Variants in NRXN3 observed in about 807,000 individuals in gnomAD.
NRXN3 encodes neurexin III.
NRXN3 carries 32 observed loss-of-function variants against 137.6 expected under a neutral mutation model. The observed-to-expected ratio is 0.23, with a 90% CI of 0.18 to 0.31. NRXN3 has a LOEUF of 0.31. Ranked by LOEUF, NRXN3 falls within the 10% of genes least tolerant of loss-of-function variation. NRXN3 has a pLI of 1.00. For synonymous variants in NRXN3, 798 were observed against 784.5 expected (o/e 1.02, Z -0.29); for missense variants, 1,574 against 2,062.5 (o/e 0.76, Z 4.59).
intron 15 of NRXN3, among the ~76,000 whole-genome samples, chr14:79,103,998 A>G (rs2051874855): frequency 6.6e-6 from 1 of 152,174 alleles, no homozygotes; most frequent in Admixed American, 6.5e-5. Flanking sequence ...ATTCATGTGT[A>G]CACATGTGCA....
chr14:78,844,212 C>G (rs1326896412), intron 10 of NRXN3, among the ~76,000 whole-genome samples: 2 of 152,124 alleles, frequency 1.3e-5, no homozygotes, highest in African/African-American at 4.8e-5. Flanking sequence ...CTCTGCTTCT[C>G]TCTCCGTCTA....
At chr14:79,771,900 C>A (rs1451259592) in intron 19 of NRXN3, among the ~76,000 whole-genome samples, 1 of 127,932 alleles carries the variant, frequency 7.8e-6, no homozygotes, top group African/African-American at 3.1e-5. Context: ...CCAAAATCTC[C>A]TTCAGCTGAT....
At chr14:79,744,889 G>A (rs139121425) in intron 19 of NRXN3, among the ~76,000 whole-genome samples, 73 of 152,146 alleles carry the variant, frequency 4.8e-4, no homozygotes, top group Admixed American at 2.4e-3. Flanking sequence ...GGAGCAGTCC[G>A]GACATCCTCA....
At chr14:79,137,290 A>G (rs185218969) in intron 15 of NRXN3, among the ~76,000 whole-genome samples, 4 of 152,306 alleles carry the variant, frequency 2.6e-5, no homozygotes. Context: ...CTGTTCCTGC[A>G]GAAAATTTGC....
Position 78,374,987 on chromosome 14 carries a change from A to G in NRXN3, c.757+77127A>G, listed in dbSNP as rs138926633. Among the ~76,000 whole-genome samples the G allele has an allele frequency of 2.9e-3, 443 of 152,320 alleles. 3 individuals are homozygous for G. Among genetic ancestry groups the G allele is most frequent in the African/African-American group, 0.01 (420 of 41,576 alleles). Reference sequence around the variant, plus strand: ...AAATATCAGAGCCATACTGGGAAATACCTTTATTAATTAGAAAATGTTTGC... The same window carrying G: ...AAATATCAGAGCCATACTGGGAAATGCCTTTATTAATTAGAAAATGTTTGC... On this transcript the variant is annotated intron_variant, in intron 4 of 20. Transcript: ENST00000335750.
At chr14:78,622,238 C>G (rs2097413173) in intron 4 of NRXN3, among the ~76,000 whole-genome samples, 1 of 152,092 alleles carries the variant, frequency 6.6e-6, no homozygotes, top group African/African-American at 2.4e-5. Flanking sequence ...CAATTCTCAC[C>G]CAAGACAAAA....
At chr14:78,774,843 G>A (rs1037014488) in intron 8 of NRXN3, among the ~76,000 whole-genome samples, 5 of 152,084 alleles carry the variant, frequency 3.3e-5, no homozygotes, top group African/African-American at 4.8e-5. Flanking sequence ...AGGATTGCTT[G>A]AGCCAAGGGT....
chr14:78,797,926 G>GC (rs2098827062), intron 8 of NRXN3, among the ~76,000 whole-genome samples: 1 of 152,130 alleles, frequency 6.6e-6, no homozygotes, highest in Non-Finnish European at 1.5e-5. Flanking sequence ...GGGGGAAACT[G>GC]CCCCCAGGAT....
intron 18 of NRXN3, 46 bp from the exon 19 acceptor site, chr14:79,697,584 G>A: frequency 1.3e-6 from 2 of 1,577,862 alleles, no homozygotes; most frequent in Non-Finnish European, 1.7e-6. Context: ...AGGCAAACAA[G>A]GAAAACGTAT....
intron 15 of NRXN3, among the ~76,000 whole-genome samples, chr14:78,994,539 CGTT>C (rs1042205661): frequency 5.5e-4 from 83 of 152,194 alleles, no homozygotes; most frequent in African/African-American, 1.9e-3. Context: ...TTCATTGAGT[CGTT>C]GGTGGAGATC....
chr14:79,259,638 T>C, intron 15 of NRXN3, among the ~76,000 whole-genome samples: 1 of 148,220 alleles, frequency 6.7e-6, no homozygotes, highest in African/African-American at 2.5e-5. Flanking sequence ...TAGCTATATA[T>C]ATAGTTATCT....
intron 1 of NRXN3, among the ~76,000 whole-genome samples, chr14:78,240,643 A>T (rs561811080): frequency 6.6e-5 from 10 of 152,292 alleles, no homozygotes; most frequent in Admixed American, 4.6e-4. Context: ...CTGCCTCTTG[A>T]ACCTGGTACC....
At chr14:79,678,834 C>G (rs1473008954) in intron 17 of NRXN3, among the ~76,000 whole-genome samples, 1 of 152,048 alleles carries the variant, frequency 6.6e-6, no homozygotes, top group Non-Finnish European at 1.5e-5. Context: ...TCTCTTGGAT[C>G]ATTATTGCAA....
intron 8 of NRXN3, among the ~76,000 whole-genome samples, chr14:78,734,444 G>T (rs2098532348): frequency 6.6e-6 from 1 of 152,126 alleles, no homozygotes; most frequent in Admixed American, 6.6e-5. Context: ...TCAAATATTA[G>T]TTAGTGATGA....
chr14:79,297,612 G>A (rs1212457148), intron 15 of NRXN3, among the ~76,000 whole-genome samples: 1 of 152,044 alleles, frequency 6.6e-6, no homozygotes, highest in Admixed American at 6.6e-5. Context: ...AGGCTGAATT[G>A]GAATGACAAG....
chr14:78,370,021 T>C lies in NRXN3; in HGVS notation c.757+72161T>C, dbSNP rs555424795. On this transcript the variant is annotated intron_variant, in intron 4 of 20. Transcript: ENST00000335750. ...GGCAAATTAGGGTATTTGAGGTTCG[T>C]CTTTTTCCCTGGTCACTGCTCATTT... 8.3e-4 allele frequency among the ~76,000 whole-genome samples: 126 copies of C among 152,204 alleles called. 1 individual carries two copies. In the South Asian group the frequency reaches 0.024, roughly 29 times the overall value.
intron 2 of NRXN3, among the ~76,000 whole-genome samples, chr14:78,271,350 T>C (rs2072705240): frequency 6.6e-6 from 1 of 152,124 alleles, no homozygotes; most frequent in South Asian, 2.1e-4. Context: ...ATTATTCCTG[T>C]GTGGCAGAAG....
intron 16 of NRXN3, among the ~76,000 whole-genome samples, chr14:79,648,325 A>G (rs923506786): frequency 2.2e-5 from 3 of 135,466 alleles, no homozygotes; most frequent in African/African-American, 7.4e-5. Context: ...TTCTCTCCCA[A>G]TCAGCTCTGG....
chr14:79,720,589 T>G (rs1341314284), intron 19 of NRXN3, among the ~76,000 whole-genome samples: 1 of 152,162 alleles, frequency 6.6e-6, no homozygotes, highest in Non-Finnish European at 1.5e-5. Flanking sequence ...AGCCATTCTG[T>G]GCTGCTATGC....
Sources: gnomAD v4.1 joint callset for allele counts (sites outside exome capture counted in the v4.1 genomes callset) on GRCh38, gnomAD v4.1.1 for gene constraint, MANE v1.5 for transcripts, NCBI Gene and HGNC (gene_info 2026-07-23, HGNC 2026-07-21) for gene names.